The following ANO3 variants were observed in gnomAD, a reference collection of about 807,000 sequenced individuals.
The protein encoded by ANO3 is anoctamin 3.
Under a neutral mutation model 144.8 loss-of-function variants are expected in ANO3, and 99 were observed. The observed-to-expected ratio is 0.68, with a 90% CI of 0.58 to 0.81. The LOEUF (loss-of-function observed/expected upper bound fraction) is 0.81. Ranked by LOEUF, ANO3 falls within the 30% of genes least tolerant of loss-of-function variation. The pLI, the probability that ANO3 is intolerant of heterozygous loss-of-function variation, is 0.00. For synonymous variants in ANO3, 414 were observed against 392.6 expected (o/e 1.05, Z -0.64); for missense variants, 905 against 1,202.2 (o/e 0.75, Z 3.66).
intron 4 of ANO3, among the ~76,000 whole-genome samples, chr11:26,504,801 A>T (rs1861351431): frequency 4.8e-5 from 1 of 20,738 alleles, no homozygotes; most frequent in Non-Finnish European, 1.5e-4. Flanking sequence ...AGGCGGGCAG[A>T]TCACAAAGTC....
rs376772893 is a variant in ANO3 at position 26,484,219 on chromosome 11, T to C, written c.432+21071T>C. ...ATTTGCAGCCTGACTGTGGTAGAAA[T>C]GAAAAACTGATTTTCTTGGGGGGAG... On this transcript the variant is annotated intron_variant, in intron 4 of 26. Coordinates refer to ENST00000256737, the MANE Select transcript of ANO3 (RefSeq NM_031418.4). 3.3e-5 allele frequency among the ~76,000 whole-genome samples: 5 copies of C among 152,188 alleles called. No homozygotes were observed. The South Asian group carries it at 1.0e-3, about 32-fold the overall frequency.
chr11:26,230,589 G>A (rs1032143454), intron 1 of ANO3, among the ~76,000 whole-genome samples: 1 of 151,750 alleles, frequency 6.6e-6, no homozygotes. Context: ...CTGAGGTCAG[G>A]AGTTCGAGAC....
chr11:26,229,619 T>C (rs1265299588), intron 1 of ANO3, among the ~76,000 whole-genome samples: 1 of 152,238 alleles, frequency 6.6e-6, no homozygotes, highest in Non-Finnish European at 1.5e-5. Context: ...GTTATTTTTA[T>C]ATGCTAATCA....
chr11:26,197,644 C>T (rs908626939), intron 1 of ANO3, among the ~76,000 whole-genome samples: 2 of 152,128 alleles, frequency 1.3e-5, no homozygotes, highest in African/African-American at 4.8e-5. Context: ...AGCCACCACA[C>T]CAGGCCTAAT....
chr11:26,389,541 A>G (rs1247160830), intron 1 of ANO3, among the ~76,000 whole-genome samples: 2 of 152,052 alleles, frequency 1.3e-5, no homozygotes, highest in African/African-American at 2.4e-5. Flanking sequence ...CTCATTTTCA[A>G]ATAATAAAGA....
At chr11:26,248,425 C>A (rs574425034) in intron 1 of ANO3, among the ~76,000 whole-genome samples, 131 of 152,232 alleles carry the variant, frequency 8.6e-4, no homozygotes, top group Middle Eastern at 3.4e-3. Flanking sequence ...CAAGTTAGTT[C>A]TTTCCCTAAT....
At chr11:26,288,660 GAA>G (rs1346905549) in intron 1 of ANO3, among the ~76,000 whole-genome samples, 1 of 152,132 alleles carries the variant, frequency 6.6e-6, no homozygotes, top group Admixed American at 6.5e-5. Context: ...AATAGGGAAA[GAA>G]AACACCTAAG....
chr11:26,321,569 T>C (rs963290354), intron 1 of ANO3, among the ~76,000 whole-genome samples: 4 of 152,100 alleles, frequency 2.6e-5, no homozygotes, highest in Admixed American at 6.6e-5. Context: ...CTATAAGCTA[T>C]ATATTCCTCA....
chr11:26,298,459 C>T (rs1854143385), intron 1 of ANO3, among the ~76,000 whole-genome samples: 1 of 152,154 alleles, frequency 6.6e-6, no homozygotes, highest in Admixed American at 6.5e-5. Flanking sequence ...AATAACTGTT[C>T]ACTGAAAGAC....
chr11:26,361,551 C>A (rs889598664), intron 1 of ANO3, among the ~76,000 whole-genome samples: 2 of 152,224 alleles, frequency 1.3e-5, no homozygotes, highest in African/African-American at 4.8e-5. Flanking sequence ...AGAACATTTG[C>A]AATAAATATA....
At chr11:26,489,515 TC>T (rs1289664711) in intron 4 of ANO3, among the ~76,000 whole-genome samples, 1 of 152,188 alleles carries the variant, frequency 6.6e-6, no homozygotes, top group African/African-American at 2.4e-5. Context: ...GCTGCCATCC[TC>T]CAGTTCCTGG....
At chr11:26,543,461 C>CTT (rs1554967572) in intron 11 of ANO3, among the ~76,000 whole-genome samples, 1 of 84,624 alleles carries the variant, frequency 1.2e-5, no homozygotes, top group African/African-American at 3.7e-5. Flanking sequence ...CTTTTAATTT[C>CTT]TTTTTTTTTA....
chr11:26,484,208 T>A (rs180858387), intron 4 of ANO3, among the ~76,000 whole-genome samples: 63 of 152,254 alleles, frequency 4.1e-4, no homozygotes, highest in African/African-American at 1.4e-3. Context: ...GCAGCCTGAC[T>A]GTGGTAGAAA....
intron 17 of ANO3, among the ~76,000 whole-genome samples, chr11:26,612,003 C>G (rs186311711): frequency 1.3e-5 from 2 of 151,848 alleles, no homozygotes; most frequent in African/African-American, 2.4e-5. Context: ...GTCTTAATGG[C>G]GAGGTGAGTC....
intron 1 of ANO3, among the ~76,000 whole-genome samples, chr11:26,408,910 G>T (rs1857360906): frequency 6.6e-6 from 1 of 151,478 alleles, no homozygotes; most frequent in African/African-American, 2.4e-5. Context: ...TCACTCATAG[G>T]TGGGAATTGA....
intron 6 of ANO3, among the ~76,000 whole-genome samples, chr11:26,521,689 T>C (rs1255418954): frequency 6.6e-6 from 1 of 152,186 alleles, no homozygotes; most frequent in Non-Finnish European, 1.5e-5. Flanking sequence ...CAGATCATTT[T>C]AGCATTTTTC....
At chr11:26,281,816 T>C (rs77134720) in intron 1 of ANO3, among the ~76,000 whole-genome samples, 9,133 of 152,180 alleles carry the variant, frequency 0.06, 504 homozygotes, top group African/African-American at 0.15. Flanking sequence ...TCTGCAACTA[T>C]GGCAAGTTAA....
chr11:26,565,336 G>T (rs769187642), intron 14 of ANO3: 1 of 1,612,018 alleles, frequency 6.2e-7, no homozygotes, highest in African/African-American at 1.3e-5. Context: ...GGAGAAGTTG[G>T]TTCTGAAGAG....
intron 1 of ANO3, among the ~76,000 whole-genome samples, chr11:26,312,306 C>T (rs1430823548): frequency 1.3e-5 from 2 of 152,148 alleles, no homozygotes; most frequent in Admixed American, 6.5e-5. Context: ...AATAAACATG[C>T]GTTTGCATGT....
Sources: allele counts gnomAD v4.1 joint callset (sites outside exome capture counted in the v4.1 genomes callset), GRCh38; gene constraint gnomAD v4.1.1; transcripts MANE v1.5; gene names NCBI Gene and HGNC (gene_info 2026-07-23, HGNC 2026-07-21).